GRM1: variants seen among roughly 807,000 people sequenced by gnomAD.
GRM1 encodes the protein glutamate metabotropic receptor 1.
A neutral mutation model predicts 90.9 loss-of-function variants in GRM1; 33 were observed. That is an observed-to-expected ratio of 0.36 (90% confidence interval 0.28 to 0.49). The LOEUF (loss-of-function observed/expected upper bound fraction) is 0.49. Ranked by LOEUF, GRM1 falls within the 20% of genes least tolerant of loss-of-function variation. GRM1 has a pLI of 0.99. For synonymous variants in GRM1, 700 were observed against 613.2 expected (o/e 1.14, Z -2.09); for missense variants, 1,190 against 1,534.3 (o/e 0.78, Z 3.75).
intron 2 of GRM1, among the ~76,000 whole-genome samples, chr6:146,263,268 A>T (rs1381747842): frequency 1.3e-5 from 2 of 151,990 alleles, no homozygotes; most frequent in Non-Finnish European, 2.9e-5. Flanking sequence ...AAAAACATTT[A>T]AAAACAATTT....
chr6:146,375,677 G>A (rs1776072064), intron 5 of GRM1, among the ~76,000 whole-genome samples: 1 of 151,840 alleles, frequency 6.6e-6, no homozygotes, highest in African/African-American at 2.4e-5. Flanking sequence ...TATAGTTTTT[G>A]TGTTAAAATT....
chr6:146,280,407 C>G (rs986736637), intron 2 of GRM1, among the ~76,000 whole-genome samples: 1 of 152,112 alleles, frequency 6.6e-6, no homozygotes, highest in African/African-American at 2.4e-5. Flanking sequence ...AACTATTGCT[C>G]TGATTAGTAT....
intron 3 of GRM1, among the ~76,000 whole-genome samples, chr6:146,349,455 C>T (rs1186096240): frequency 6.6e-6 from 1 of 152,008 alleles, no homozygotes; most frequent in Non-Finnish European, 1.5e-5. Context: ...GCCTGATTCA[C>T]TCCCTATTCT....
intron 2 of GRM1, among the ~76,000 whole-genome samples, chr6:146,259,777 C>G (rs1394059900): frequency 1.3e-5 from 2 of 152,006 alleles, no homozygotes; most frequent in Admixed American, 6.6e-5. Context: ...TACACTATCT[C>G]TTTGTGTTCC....
chr6:146,269,727 T>G (rs943027343), intron 2 of GRM1, among the ~76,000 whole-genome samples: 3 of 152,088 alleles, frequency 2.0e-5, no homozygotes, highest in Non-Finnish European at 2.9e-5. Context: ...GCATGCTCCT[T>G]ATGAGAATCT....
Position 146,398,786 on chromosome 6 carries a change from G to T in GRM1, c.1747G>T (p.Val583Leu), listed in dbSNP as rs755712763. ...CATCACAGGCTGTGAGCCCATTCCT[G>T]TGCGCTATCTTGAGTGGAGCAACAT... Reference protein sequence around the residue: ...ADLTGCEPIPVRYLEWSNIES... With the variant: ...ADLTGCEPIPLRYLEWSNIES... Residue 583 changes from valine (V) to leucine (L), a missense_variant, in exon 7 of 8, where the codon GTG (valine) becomes TTG (leucine). This residue lies in a region of GRM1 where 414 missense variants were observed against 598.4 expected (regional missense o/e 0.69). Transcript: ENST00000282753. 5.0e-6 allele frequency: 8 copies of T among 1,612,276 alleles called. No homozygotes were observed. Among genetic ancestry groups the T allele is most frequent in the Non-Finnish European group, 6.8e-6 (8 of 1,178,352 alleles).
chr6:146,091,975 C>A (rs1167560584), intron 1 of GRM1, among the ~76,000 whole-genome samples: 4 of 152,102 alleles, frequency 2.6e-5, no homozygotes, highest in South Asian at 4.1e-4. Flanking sequence ...TACCCAGTAT[C>A]TCATCAGTTA....
chr6:146,336,823 G>C (rs1262046480), intron 3 of GRM1, among the ~76,000 whole-genome samples: 1 of 152,122 alleles, frequency 6.6e-6, no homozygotes, highest in Non-Finnish European at 1.5e-5. Flanking sequence ...TCCCTGTCTT[G>C]GTAGCTTCTA....
rs1429369196 is a variant in GRM1, at chr6:146,352,366, C to G, written c.1303C>G (p.His435Asp). Reference protein sequence around the residue: ...QNMHHALCPGHVGLCDAMKPI... With the variant: ...QNMHHALCPGDVGLCDAMKPI... ...CATGCACCATGCCCTCTGCCCTGGC[C>G]ACGTGGGCCTCTGCGATGCCATGAA... Residue 435 changes from histidine to aspartate, a missense_variant, in exon 4 of 8, where the codon CAC becomes GAC. Physicochemically the swap from His to Asp is moderately conservative, Grantham distance 81. Transcript: ENST00000282753. 2 of 1,614,028 alleles carry G rather than the reference C, an allele frequency of 1.2e-6. No individual in the cohort carries two copies. The highest frequency in any genetic ancestry group is 2.2e-5 in the South Asian group (2 of 91,082).
chr6:146,212,923 G>A (rs1012956609), intron 2 of GRM1, among the ~76,000 whole-genome samples: 4 of 152,036 alleles, frequency 2.6e-5, no homozygotes, highest in Non-Finnish European at 4.4e-5. Context: ...ATAAGGTAAC[G>A]TTTATCGAGT....
chr6:146,350,912 C>T (rs189592977), intron 3 of GRM1, among the ~76,000 whole-genome samples: 13 of 152,208 alleles, frequency 8.5e-5, no homozygotes, highest in African/African-American at 2.9e-4. Flanking sequence ...ATCTTCTTCC[C>T]CTTTAACCTA....
At chr6:146,215,960 T>C (rs1372902270) in intron 2 of GRM1, among the ~76,000 whole-genome samples, 1 of 152,174 alleles carries the variant, frequency 6.6e-6, no homozygotes, top group Non-Finnish European at 1.5e-5. Flanking sequence ...GGTTTCACCG[T>C]GTTAGCCAGG....
At chr6:146,353,698 C>T (rs1006739005) in intron 4 of GRM1, among the ~76,000 whole-genome samples, 15 of 152,304 alleles carry the variant, frequency 9.8e-5, no homozygotes, top group East Asian at 7.7e-4. Flanking sequence ...AGCACAATCT[C>T]GGCTCACTGC....
At chr6:146,042,268 T>C (rs929746378) in intron 1 of GRM1, among the ~76,000 whole-genome samples, 18 of 151,910 alleles carry the variant, frequency 1.2e-4, no homozygotes, top group Admixed American at 8.5e-4. Context: ...TATAAATCAA[T>C]TGGAAGGGCA....
At chr6:146,232,952 A>T (rs1391245931) in intron 2 of GRM1, among the ~76,000 whole-genome samples, 1 of 150,814 alleles carries the variant, frequency 6.6e-6, no homozygotes. Context: ...CATTCTGTAG[A>T]GTTTAGAGTT....
Position 146,324,335 on chromosome 6 carries a change from C to T in GRM1, c.1186+19489C>T, listed in dbSNP as rs117098573. Among the ~76,000 whole-genome samples the T allele has an allele frequency of 2.4e-4, 37 of 152,262 alleles. No individual in the cohort carries two copies. The East Asian group carries it at 4.1e-3, about 17-fold the overall frequency. On this transcript the variant is annotated intron_variant, in intron 3 of 7. Transcript: ENST00000282753. ...GGATCTTAGCTTGCTGAGCTCTGTG[C>T]GGGTGGCATCCCCTGAGCTAGACCA... is the stretch of plus-strand genomic sequence containing the variant.
intron 1 of GRM1, among the ~76,000 whole-genome samples, chr6:146,041,237 C>T (rs768909515): frequency 3.9e-4 from 60 of 152,028 alleles, no homozygotes; most frequent in Non-Finnish European, 7.7e-4. Flanking sequence ...ATATTGCCAT[C>T]TCATTGGAGT....
intron 2 of GRM1, among the ~76,000 whole-genome samples, chr6:146,273,508 C>T (rs1185235298): frequency 2.0e-5 from 3 of 152,304 alleles, no homozygotes; most frequent in African/African-American, 7.2e-5. Context: ...GTCCTAAAAT[C>T]TCAGCTAAAT....
intron 2 of GRM1, among the ~76,000 whole-genome samples, chr6:146,191,668 T>G (rs1190796013): frequency 1.3e-5 from 2 of 152,174 alleles, no homozygotes; most frequent in African/African-American, 4.8e-5. Flanking sequence ...TTTCTTTAAT[T>G]AATCTTTTTG....
Sources: gnomAD v4.1 joint callset for allele counts (sites outside exome capture counted in the v4.1 genomes callset) on GRCh38, gnomAD v4.1.1 for gene constraint, gnomAD v4.1.1 regional missense constraint, MANE v1.5 for transcripts, NCBI Gene and HGNC (gene_info 2026-07-23, HGNC 2026-07-21) for gene names.